The following SORT1 variants were observed in gnomAD, a reference collection of about 807,000 sequenced individuals.
SORT1 encodes sortilin.
A neutral mutation model predicts 101.7 loss-of-function variants in SORT1; 39 were observed. That is an observed-to-expected ratio of 0.38 (90% confidence interval 0.30 to 0.50). SORT1 has a LOEUF of 0.50. SORT1 is among the 20% of genes least tolerant of loss of function. SORT1 has a pLI of 0.90. For synonymous variants in SORT1, 396 were observed against 393.7 expected, an observed-to-expected ratio of 1.01 and a Z score of -0.07; for missense variants, 878 against 1,040.4, an observed-to-expected ratio of 0.84 and a Z score of 2.15.
At chr1:109,364,166 A>AGGAAAGCGGGGTTTTT (rs1650925951) in intron 3 of SORT1, among the ~76,000 whole-genome samples, 1 of 152,152 alleles carries the variant, frequency 6.6e-6, no homozygotes, top group Non-Finnish European at 1.5e-5. Context: ...ATAGAATTGC[A>AGGAAAGCGGGGTTTTT]CTCTAGTAAA....
In SORT1 at chr1:109,369,673, C is replaced by A. The variant is rs1651362060; in HGVS notation, c.307-84G>T. On this transcript the variant is annotated intron_variant, in intron 1 of 19. Transcript: ENST00000256637. ...TTCTTTAAATATCTGAACTTTATTACTGTTCAGAGTAATTAAGTTCATAAT... is the reference window on the plus strand; with the variant it reads ...TTCTTTAAATATCTGAACTTTATTAATGTTCAGAGTAATTAAGTTCATAAT... The A allele has an allele frequency of 4.4e-6, 4 of 903,724 alleles. No individual in the cohort carries two copies. The South Asian group carries it at 5.4e-5, about 12-fold the overall frequency. The allele number at this position is 903,724 out of a possible 1,614,324, so 56.0% of individuals were successfully genotyped here.
intron 13 of SORT1, among the ~76,000 whole-genome samples, chr1:109,326,235 TGGAGACAG>T (rs1316849488): frequency 6.8e-6 from 1 of 146,384 alleles, no homozygotes; most frequent in Non-Finnish European, 1.5e-5. Flanking sequence ...TTTTTTTTTG[TGGAGACAG>T]GGTTTTGTCA....
intron 1 of SORT1, among the ~76,000 whole-genome samples, chr1:109,376,454 T>C (rs996205763): frequency 6.6e-6 from 1 of 152,046 alleles, no homozygotes; most frequent in Non-Finnish European, 1.5e-5. Flanking sequence ...ACTATGTTAA[T>C]TATAGCTCTA....
chr1:109,314,997 C>A (rs907272430), intron 17 of SORT1, among the ~76,000 whole-genome samples: 1 of 152,094 alleles, frequency 6.6e-6, no homozygotes, highest in Admixed American at 6.5e-5. Flanking sequence ...CTGCCTTGAA[C>A]CTTCAAATTC....
intron 1 of SORT1, among the ~76,000 whole-genome samples, chr1:109,371,403 C>A (rs759398805): frequency 6.6e-6 from 1 of 152,186 alleles, no homozygotes; most frequent in Non-Finnish European, 1.5e-5. Context: ...AGAGCTACCA[C>A]AAGCACCAGG....
At chr1:109,368,922 CTCAGTACAGAGCACTT>C (rs1651280423) in intron 2 of SORT1, 1 of 153,124 alleles carries the variant, frequency 6.5e-6, no homozygotes. Context: ...CGCTTCCCTT[CTCAGTACAGAGCACTT>C]TCATCTTTCT....
chr1:109,338,233 G>C (rs527297124), intron 10 of SORT1, among the ~76,000 whole-genome samples: 3 of 151,994 alleles, frequency 2.0e-5, no homozygotes, highest in African/African-American at 4.8e-5. Flanking sequence ...GGGAACTGTC[G>C]GTGCAAACTC....
chr1:109,371,502 T>C (rs1201960725), intron 1 of SORT1, among the ~76,000 whole-genome samples: 1 of 152,150 alleles, frequency 6.6e-6, no homozygotes, highest in Non-Finnish European at 1.5e-5. Flanking sequence ...AAAGAAAAAG[T>C]CCATCAGTTA....
intron 1 of SORT1, among the ~76,000 whole-genome samples, chr1:109,387,664 G>A (rs1652649695): frequency 6.6e-6 from 1 of 152,164 alleles, no homozygotes; most frequent in South Asian, 2.1e-4. Context: ...CTTCAAGAAA[G>A]GCATTTTGGG....
chr1:109,314,220 T>G lies in SORT1; in HGVS notation c.2481+41A>C, dbSNP rs566103263. The G allele has an allele frequency of 2.4e-3, 3,184 of 1,314,572 alleles. 2 individuals carry two copies. Among genetic ancestry groups the G allele is most frequent in the Non-Finnish European group, 2.9e-3 (2,719 of 947,380 alleles). 81.4% of individuals were successfully genotyped at this position (1,314,572 alleles called of 1,614,324 possible). A position where few individuals can be genotyped will look rare whatever the true frequency, so the allele number is the denominator to read the frequency against. Reference sequence around the variant, plus strand: ...ACAGACTTTATTTTCTTGTATTTTTTGGGGGGGGGGGTACTACCATTCAAG... The same window carrying G: ...ACAGACTTTATTTTCTTGTATTTTTGGGGGGGGGGGGTACTACCATTCAAG... On this transcript the variant is annotated intron_variant, in intron 19 of 19. Transcript: ENST00000256637.
intron 1 of SORT1, among the ~76,000 whole-genome samples, chr1:109,371,785 T>C (rs77444608): frequency 2.6e-5 from 4 of 152,322 alleles, no homozygotes; most frequent in East Asian, 3.9e-4. Context: ...CCAGATTTAC[T>C]AGCAAAACTG....
chr1:109,368,660 T>C (rs1651260811), intron 2 of SORT1: 1 of 152,158 alleles, frequency 6.6e-6, no homozygotes, highest in South Asian at 2.1e-4. Flanking sequence ...GTCCTCCTAG[T>C]GGGAGCCCAG....
At chr1:109,340,932 A>T in intron 9 of SORT1, 53 bp from the exon 10 acceptor site, 1 of 1,432,056 alleles carries the variant, frequency 7.0e-7, no homozygotes, top group Non-Finnish European at 9.4e-7. Flanking sequence ...ACCAAAGAGA[A>T]AAACAATAGT....
At chr1:109,358,370 T>A (rs1650468928) in intron 3 of SORT1, among the ~76,000 whole-genome samples, 1 of 152,172 alleles carries the variant, frequency 6.6e-6, no homozygotes. Context: ...CACCTTGGCC[T>A]CCCAAAGCTC....
intron 6 of SORT1, among the ~76,000 whole-genome samples, chr1:109,350,065 C>A (rs1401172843): frequency 2.0e-5 from 3 of 152,222 alleles, no homozygotes; most frequent in African/African-American, 4.8e-5. Context: ...AATTCCACCT[C>A]CTTCCAGCTC....
At chr1:109,397,269 T>G (rs1260973988) in intron 1 of SORT1, 1 of 152,566 alleles carries the variant, frequency 6.6e-6, no homozygotes, top group Non-Finnish European at 1.5e-5. Context: ...TTCACCTTCC[T>G]GGGGCCTAAC....
chr1:109,351,047 T>A (rs1223348194), intron 5 of SORT1, 45 bp from the exon 6 acceptor site: 1 of 1,208,986 alleles, frequency 8.3e-7, no homozygotes, highest in Admixed American at 1.7e-5. Context: ...CTTTATCCTG[T>A]GTAGTTGCTT....
At chr1:109,318,483 G>C (rs1252085811) in intron 15 of SORT1, among the ~76,000 whole-genome samples, 7 of 152,076 alleles carry the variant, frequency 4.6e-5, no homozygotes, top group Admixed American at 1.3e-4. Context: ...GAAGCTTATG[G>C]GTCAGGCCTG....
At position 109,350,708 on chromosome 1, in the gene SORT1, C is replaced by G. The variant is rs567732298; in HGVS notation, c.782+221G>C. 4.6e-5 allele frequency among the ~76,000 whole-genome samples: 7 copies of G among 152,294 alleles called. No homozygotes were observed. The South Asian group carries it at 1.0e-3, about 23-fold the overall frequency. On this transcript the variant is annotated intron_variant, in intron 6 of 19. Transcript: ENST00000256637. ...ACTCAGTCACCTGCCTTGTTTTATA[C>G]TTTATGTTCTAACATTTAAGTGAGA...
Sources: allele counts gnomAD v4.1 joint callset (sites outside exome capture counted in the v4.1 genomes callset), GRCh38; gene constraint gnomAD v4.1.1; transcripts MANE v1.5; gene names NCBI Gene and HGNC (gene_info 2026-07-23, HGNC 2026-07-21).